ANO3: variants seen among roughly 807,000 people sequenced by gnomAD.
The protein encoded by ANO3 is anoctamin 3.
In ANO3, 99 loss-of-function variants were observed where a neutral mutation model predicts 144.8. The ratio of observed to expected loss-of-function variants is 0.68; its 90% CI spans 0.58 to 0.81. The LOEUF (loss-of-function observed/expected upper bound fraction) is 0.81, where lower values mean the gene tolerates loss of function less well. ANO3 is among the 30% of genes least tolerant of loss of function. The pLI is 0.00. For synonymous variants in ANO3, 414 were observed against 392.6 expected (o/e 1.05, Z -0.64); for missense variants, 905 against 1,202.2 (o/e 0.75, Z 3.66).
chr11:26,351,067 A>T (rs763017477), intron 1 of ANO3, among the ~76,000 whole-genome samples: 19 of 152,176 alleles, frequency 1.2e-4, no homozygotes, highest in Non-Finnish European at 2.6e-4. Context: ...ATACCTTCAG[A>T]TACCTCTTTG....
chr11:26,274,581 G>T (rs185570921), intron 1 of ANO3, among the ~76,000 whole-genome samples: 1 of 152,156 alleles, frequency 6.6e-6, no homozygotes, highest in East Asian at 1.9e-4. Context: ...TAAATCCTTG[G>T]TACTGACATG....
intron 1 of ANO3, among the ~76,000 whole-genome samples, chr11:26,406,020 T>C (rs1350211548): frequency 1.3e-5 from 2 of 151,940 alleles, no homozygotes; most frequent in Non-Finnish European, 2.9e-5. Context: ...AAACTGAGAA[T>C]GCTTTTAGGC....
intron 1 of ANO3, among the ~76,000 whole-genome samples, chr11:26,234,051 T>C (rs1852461722): frequency 6.6e-6 from 1 of 152,154 alleles, no homozygotes; most frequent in Admixed American, 6.5e-5. Flanking sequence ...CCATTGCATC[T>C]GTATACCTAT....
At position 26,615,089 on chromosome 11, in the gene ANO3, A is replaced by G. The variant is rs537764406; in HGVS notation, c.1837-9373A>G. ...CTCTGTATATAGGTCTTGATTTATA[A>G]TCAGAAAAAAACTCTTAGCTTTTAA... On this transcript the variant is annotated intron_variant, in intron 17 of 26. Coordinates refer to ENST00000256737, the MANE Select transcript of ANO3 (RefSeq NM_031418.4). Among the ~76,000 whole-genome samples, 4 of 151,156 alleles carry G rather than the reference A, an allele frequency of 2.6e-5. No individual in the cohort carries two copies. In the South Asian group the frequency reaches 8.3e-4, roughly 31 times the overall value.
intron 1 of ANO3, among the ~76,000 whole-genome samples, chr11:26,424,115 C>T (rs1489991252): frequency 6.6e-6 from 1 of 151,886 alleles, no homozygotes; most frequent in Non-Finnish European, 1.5e-5. Context: ...ATCTCCAACT[C>T]GGATTGCAGC....
At chr11:26,620,573 A>G (rs1364105232) in intron 17 of ANO3, among the ~76,000 whole-genome samples, 1 of 152,108 alleles carries the variant, frequency 6.6e-6, no homozygotes, top group Non-Finnish European at 1.5e-5. Context: ...TCCTCCTCTG[A>G]TTTTAAAATC....
intron 14 of ANO3, among the ~76,000 whole-genome samples, chr11:26,581,749 C>T (rs1372649188): frequency 6.7e-6 from 1 of 148,788 alleles, no homozygotes; most frequent in Non-Finnish European, 1.5e-5. Context: ...TTTCCTAGGT[C>T]ATGAACAAAA....
chr11:26,199,601 G>T (rs1409248867), intron 1 of ANO3, among the ~76,000 whole-genome samples: 2 of 152,134 alleles, frequency 1.3e-5, no homozygotes, highest in Non-Finnish European at 2.9e-5. Context: ...TACACTCTGA[G>T]AAACTGGCTA....
chr11:26,255,221 G>T (rs1250483672), intron 1 of ANO3, among the ~76,000 whole-genome samples: 3 of 152,108 alleles, frequency 2.0e-5, no homozygotes, highest in Admixed American at 6.6e-5. Flanking sequence ...GGCAACAAAG[G>T]CATTTTTTCT....
At chr11:26,540,079 C>G (rs1416136627) in intron 10 of ANO3, among the ~76,000 whole-genome samples, 2 of 152,082 alleles carry the variant, frequency 1.3e-5, no homozygotes, top group Admixed American at 1.3e-4. Context: ...AGGGAACACT[C>G]TGCTCTATAA....
chr11:26,383,561 T>C (rs1856643283), intron 1 of ANO3, among the ~76,000 whole-genome samples: 1 of 119,958 alleles, frequency 8.3e-6, no homozygotes. Flanking sequence ...TAAATGACTT[T>C]AGACTATTAC....
At chr11:26,518,089 A>G (rs577565474) in intron 6 of ANO3, among the ~76,000 whole-genome samples, 5 of 152,198 alleles carry the variant, frequency 3.3e-5, no homozygotes, top group Admixed American at 1.3e-4. Context: ...AATTTAAAAA[A>G]AGATAAATAA....
At chr11:26,536,112 G>C (rs1160405496) in intron 9 of ANO3, among the ~76,000 whole-genome samples, 1 of 92,760 alleles carries the variant, frequency 1.1e-5, no homozygotes, top group Non-Finnish European at 2.4e-5. Context: ...CTGAGATCAG[G>C]GGTTCAAGAC....
intron 1 of ANO3, chr11:26,427,283 C>T (rs769629507): frequency 3.2e-5 from 5 of 155,718 alleles, no homozygotes; most frequent in African/African-American, 7.2e-5. Context: ...TATTTATAGG[C>T]GCCTCCCTCC....
intron 1 of ANO3, among the ~76,000 whole-genome samples, chr11:26,276,030 G>C (rs1399996589): frequency 6.6e-6 from 1 of 152,098 alleles, no homozygotes; most frequent in Non-Finnish European, 1.5e-5. Flanking sequence ...ATGTGTACTA[G>C]AGTTAGCGGC....
chr11:26,364,173 C>A (rs1285606076), intron 1 of ANO3, among the ~76,000 whole-genome samples: 4 of 152,142 alleles, frequency 2.6e-5, no homozygotes, highest in African/African-American at 9.7e-5. Flanking sequence ...TCCTGGGTGC[C>A]GTTCCAAATC....
At chr11:26,558,076 C>A (rs900215100) in intron 13 of ANO3, among the ~76,000 whole-genome samples, 5 of 152,020 alleles carry the variant, frequency 3.3e-5, no homozygotes, top group Non-Finnish European at 5.9e-5. Flanking sequence ...GGAAGATGTT[C>A]CTAAACTATT....
At chr11:26,621,696 A>C (rs1044869970) in intron 17 of ANO3, among the ~76,000 whole-genome samples, 43 of 152,240 alleles carry the variant, frequency 2.8e-4, no homozygotes, top group African/African-American at 1.0e-3. Flanking sequence ...GAAAGTAGAG[A>C]TTATGTCTTT....
intron 1 of ANO3, among the ~76,000 whole-genome samples, chr11:26,300,604 A>G (rs1049637929): frequency 6.6e-6 from 1 of 152,190 alleles, no homozygotes; most frequent in African/African-American, 2.4e-5. Context: ...GGATTGGCCC[A>G]GATTTTGGCA....
Sources: allele counts gnomAD v4.1 joint callset (sites outside exome capture counted in the v4.1 genomes callset), GRCh38; gene constraint gnomAD v4.1.1; transcripts MANE v1.5; gene names NCBI Gene and HGNC (gene_info 2026-07-23, HGNC 2026-07-21).